Variants in KIAA0753 observed in about 807,000 individuals in gnomAD.
KIAA0753 encodes protein moonraker.
KIAA0753 carries 114 observed loss-of-function variants against 116.9 expected under a neutral mutation model. The ratio of observed to expected loss-of-function variants is 0.98; its 90% confidence interval spans 0.84 to 1.14. The LOEUF is 1.14. Ranked by LOEUF, KIAA0753 falls within the 50% of genes most tolerant of loss-of-function variation. The probability of loss-of-function intolerance (pLI) is 0.00; values close to 1 mark genes in which losing one functional copy is unlikely to be tolerated. For missense variants in KIAA0753, 1,156 were observed against 1,172.4 expected (o/e 0.99, Z 0.20); for synonymous variants, 405 against 413.1 (o/e 0.98, Z 0.24).
At chr17:6,588,494 G>A (rs1249666168) in intron 18 of KIAA0753, among the ~76,000 whole-genome samples, 1 of 152,122 alleles carries the variant, frequency 6.6e-6, no homozygotes, top group Non-Finnish European at 1.5e-5. Context: ...AGGGGTCTCA[G>A]GAGAAAAAGT....
chr17:6,616,820 C>T (rs1384075007), intron 7 of KIAA0753, among the ~76,000 whole-genome samples: 7 of 152,146 alleles, frequency 4.6e-5, no homozygotes, highest in African/African-American at 1.2e-4. Flanking sequence ...AGCAAGACTA[C>T]GTCTCAAAAT....
In KIAA0753 at chr17:6,628,211, T is replaced by C; in HGVS notation, c.624A>G (p.Lys208=). The change falls in exon 3 of 19, where the codon AAA becomes AAG. Residue 208 remains lysine, a synonymous_variant. Transcript: ENST00000361413. ...LQPHPRIGDH[K]NISEQKSLLE... is the part of the protein sequence containing the mutation. ...GCAGGCTTTTCTGTTCACTTATGTT[T>C]TTGTGGTCACCTATCCTGGGATGAG... The C allele has an allele frequency of 6.2e-7, 1 of 1,614,220 alleles. No individual in the cohort carries two copies. The highest frequency in any genetic ancestry group is 8.5e-7 in the Non-Finnish European group (1 of 1,180,036).
In KIAA0753 at chr17:6,628,226, C is replaced by A; in HGVS notation, c.609G>T (p.Arg203Ser). The A allele has an allele frequency of 6.2e-7, 1 of 1,612,006 alleles. No homozygotes were observed. Among genetic ancestry groups the A allele is most frequent in the South Asian group, 1.1e-5 (1 of 91,008 alleles). ...CACTTATGTTTTTGTGGTCACCTAT[C>A]CTGGGATGAGGCTGAAGTCCCGGAT... ...THDPGLQPHP[R>S]IGDHKNISEQ... Residue 203 changes from arginine to serine, a missense_variant, in exon 3 of 19, where the codon AGG becomes AGT. Physicochemically the swap from Arg to Ser is moderately radical, Grantham distance 110. Transcript: ENST00000361413.
At chr17:6,607,929 G>A (rs535408825) in intron 10 of KIAA0753, among the ~76,000 whole-genome samples, 170 of 152,058 alleles carry the variant, frequency 1.1e-3, no homozygotes, top group African/African-American at 3.7e-3. Flanking sequence ...ACCCTCCCCC[G>A]TTTCTAAACT....
chr17:6,582,668 CTCT>C (rs1968266510), intron 18 of KIAA0753, among the ~76,000 whole-genome samples: 1 of 152,070 alleles, frequency 6.6e-6, no homozygotes, highest in African/African-American at 2.4e-5. Context: ...TCTTTGTTCT[CTCT>C]TCTTTCTTGG....
chr17:6,620,680 T>C, intron 7 of KIAA0753, 108 bp downstream of exon 7: 1 of 1,037,034 alleles, frequency 9.6e-7, no homozygotes, highest in Non-Finnish European at 1.5e-6. Context: ...GTTCATCTGT[T>C]GTGGGCTAGG....
chr17:6,632,991 C>G (rs936501920), intron 2 of KIAA0753, among the ~76,000 whole-genome samples: 1 of 152,174 alleles, frequency 6.6e-6, no homozygotes, highest in African/African-American at 2.4e-5. Flanking sequence ...ATTGGGACAA[C>G]TAACAAAATC....
intron 10 of KIAA0753, 22 bp from the exon 11 acceptor site, chr17:6,607,292 C>T: frequency 6.2e-7 from 1 of 1,602,640 alleles, no homozygotes; most frequent in Non-Finnish European, 8.5e-7. Flanking sequence ...TCAAAAGAGT[C>T]AAACCAATTC....
Position 6,590,637 on chromosome 17 carries a change from A to G in KIAA0753, c.2441-7T>C. ...ATTGCTGAGATTTTTTGGTCTAGAA[A>G]AGGAGGGTCATAAAATGACTGCATA... On this transcript the variant is annotated splice_region_variant and splice_polypyrimidine_tract_variant and intron_variant, in intron 16 of 18. Transcript: ENST00000361413. 6.2e-7 allele frequency: 1 copy of G among 1,613,428 alleles called. No individual in the cohort carries two copies. The highest frequency in any genetic ancestry group is 8.5e-7 in the Non-Finnish European group (1 of 1,179,544).
chr17:6,584,251 T>C (rs1379894340), intron 18 of KIAA0753, among the ~76,000 whole-genome samples: 1 of 152,178 alleles, frequency 6.6e-6, no homozygotes, highest in African/African-American at 2.4e-5. Context: ...AGGGCTAACC[T>C]CCCCAGGGCT....
chr17:6,630,198 T>C (rs1030541424), intron 2 of KIAA0753, among the ~76,000 whole-genome samples: 1 of 151,882 alleles, frequency 6.6e-6, no homozygotes, highest in East Asian at 1.9e-4. Flanking sequence ...GAAAAACATA[T>C]GACCAATTTA....
intron 11 of KIAA0753, 99 bp from the exon 12 acceptor site, chr17:6,607,061 C>T: frequency 1.4e-6 from 2 of 1,418,218 alleles, no homozygotes; most frequent in South Asian, 1.2e-5. Context: ...TCTTAAGTGA[C>T]TTCAGTCTTT....
chr17:6,596,085 G>A (rs1969456559), intron 15 of KIAA0753, 73 bp downstream of exon 15: 1 of 1,417,418 alleles, frequency 7.1e-7, no homozygotes, highest in Non-Finnish European at 9.7e-7. Flanking sequence ...AGGCTGCAGA[G>A]GCATGAGGAG....
rs192937454 is a variant in KIAA0753 at position 6,637,228 on chromosome 17, C to T, written c.-68-2057G>A. On this transcript the variant is annotated intron_variant, in intron 1 of 18. Transcript: ENST00000361413. ...AGTCACCCACACCGCAGCAGGCGCA[C>T]GCCCTGCCATGGGAGCTCCTACAGC... 4.4e-3 allele frequency: 665 copies of T among 152,748 alleles called. 6 individuals are homozygous for T. The highest frequency in any genetic ancestry group is 0.024 in the South Asian group (118 of 4,834). The allele number at this position is 152,748 out of a possible 1,614,324, so 9.5% of individuals were successfully genotyped here.
rs879345492 is a variant in KIAA0753 at position 6,591,064 on chromosome 17, A to AGGAAGAAG, written c.2441-435_2441-434insCTTCTTCC. Among the ~76,000 whole-genome samples the AGGAAGAAG allele has an allele frequency of 9.8e-3, 870 of 88,874 alleles. 29 individuals are homozygous for AGGAAGAAG. Among genetic ancestry groups the AGGAAGAAG allele is most frequent in the African/African-American group, 0.045 (783 of 17,552 alleles). The allele number at this position is 88,874 out of a possible 152,430, so 58.3% of individuals were successfully genotyped here. On this transcript the variant is annotated intron_variant, in intron 16 of 18. Coordinates refer to ENST00000361413, the MANE Select transcript of KIAA0753 (RefSeq NM_014804.3). The stretch of plus-strand genomic sequence containing the variant: ...AGGAAGAAGAAGAAGAAGAAGAAGA[A>AGGAAGAAG]GAAGAAGAAGAAGAAGAAGAAGAAG...
At position 6,625,919 on chromosome 17, in the gene KIAA0753, C is replaced by G. The variant is rs192247049; in HGVS notation, c.719-1058G>C. ...GTTTTGGCCTGTTGGCCAGGCTGGT[C>G]TCAAACTCCTGGCCTCAAGTGATGC... On this transcript the variant is annotated intron_variant, in intron 3 of 18. Coordinates refer to ENST00000361413, the MANE Select transcript of KIAA0753 (RefSeq NM_014804.3). Among the ~76,000 whole-genome samples the G allele has an allele frequency of 3.5e-4, 54 of 152,270 alleles. 2 individuals are homozygous for G. Among genetic ancestry groups the G allele is most frequent in the African/African-American group, 1.3e-3 (52 of 41,574 alleles).
At chr17:6,602,063 A>C (rs932032400) in intron 12 of KIAA0753, among the ~76,000 whole-genome samples, 2 of 152,222 alleles carry the variant, frequency 1.3e-5, no homozygotes, top group Non-Finnish European at 2.9e-5. Context: ...AATTAATACC[A>C]CAAAGAGATA....
Position 6,635,092 on chromosome 17 carries a change from G to T in KIAA0753, c.12C>A (p.Gly4=), listed in dbSNP as rs1329414426. The change falls in exon 2 of 19, where the codon GGC becomes GGA. Residue 4 remains glycine, a synonymous_variant. Transcript: ENST00000361413. The part of the protein sequence containing the change: MGP[G]QPASTCVHLA... ...GATGAACACAGGTTGAAGCTGGCTG[G>T]CCTGGTCCCATAATGTCAGGTAGTA... 9 of 1,613,208 alleles carry T rather than the reference G, an allele frequency of 5.6e-6. No homozygotes were observed. In the Admixed American group the frequency reaches 1.5e-4, roughly 27 times the overall value.
At chr17:6,583,982 G>GT (rs1968384348) in intron 18 of KIAA0753, among the ~76,000 whole-genome samples, 1 of 152,216 alleles carries the variant, frequency 6.6e-6, no homozygotes, top group Non-Finnish European at 1.5e-5. Flanking sequence ...CTGTGGGGCA[G>GT]TAACAATCTA....
Sources: gnomAD v4.1 joint callset for allele counts (sites outside exome capture counted in the v4.1 genomes callset) on GRCh38, gnomAD v4.1.1 for gene constraint, MANE v1.5 for transcripts, NCBI Gene and HGNC (gene_info 2026-07-23, HGNC 2026-07-21) for gene names.